GPR55: variants seen among roughly 807,000 people sequenced by gnomAD.
The protein encoded by GPR55 is G protein-coupled receptor 55.
Under a neutral mutation model 7.9 loss-of-function variants are expected in GPR55, and 6 were observed. The observed-to-expected ratio is 0.76, with a 90% CI of 0.41 to 1.49. The LOEUF (loss-of-function observed/expected upper bound fraction) is 1.49. Among genes scored for constraint, GPR55 ranks in the 40% most tolerant of loss-of-function variants. The pLI is 0.01. For missense variants in GPR55, 376 were observed against 406.0 expected, an observed-to-expected ratio of 0.93 and a Z score of 0.63; for synonymous variants, 183 against 166.8, an observed-to-expected ratio of 1.10 and a Z score of -0.75.
chr2:230,936,968 T>C (rs1382737333), intron 1 of GPR55, among the ~76,000 whole-genome samples: 2 of 152,226 alleles, frequency 1.3e-5, no homozygotes, highest in African/African-American at 4.8e-5. Context: ...AGATTTCCTA[T>C]GTCAAATCCT....
intron 1 of GPR55, among the ~76,000 whole-genome samples, chr2:230,936,681 C>T (rs1691138219): frequency 6.6e-6 from 1 of 152,044 alleles, no homozygotes; most frequent in African/African-American, 2.4e-5. Flanking sequence ...TCAAAGGGGA[C>T]CAAGGAGAGC....
Position 230,923,538 on chromosome 2 carries a change from C to T in GPR55, c.-135+1630G>A, listed in dbSNP as rs570711285. Among the ~76,000 whole-genome samples the T allele has an allele frequency of 5.3e-5, 8 of 151,852 alleles. No homozygotes were observed. Among genetic ancestry groups the T allele is most frequent in the African/African-American group, 1.9e-4 (8 of 41,354 alleles). On this transcript the variant is annotated intron_variant, in intron 1 of 1. Transcript: ENST00000650999. This position sits in a 1 kb window ranked among gnomAD's most constrained non-coding sequence, Gnocchi z 4.1. ...CCACGATAGAAGAAGGAACAGGACA[C>T]AGAGGGGACAGAGCACATGACCACA... is the stretch of plus-strand genomic sequence containing the variant.
chr2:230,942,373 A>C (rs1372106014), intron 1 of GPR55, among the ~76,000 whole-genome samples: 2 of 152,140 alleles, frequency 1.3e-5, no homozygotes, highest in Non-Finnish European at 2.9e-5. Context: ...AGAGAGAATT[A>C]CTTAGTCCTC....
chr2:230,960,476 T>A (rs1488239548), intron 1 of GPR55, among the ~76,000 whole-genome samples: 2 of 152,132 alleles, frequency 1.3e-5, no homozygotes, highest in African/African-American at 4.8e-5. Flanking sequence ...CTCAGATGTT[T>A]TCCTATAGTC....
intron 1 of GPR55, among the ~76,000 whole-genome samples, chr2:230,945,023 C>T (rs984836096): frequency 3.3e-5 from 5 of 152,198 alleles, no homozygotes; most frequent in African/African-American, 1.2e-4. Flanking sequence ...AGCCTCACTG[C>T]GGGGCTGGGA....
chr2:230,921,780 G>A (rs867515014), intron 1 of GPR55, among the ~76,000 whole-genome samples: 5 of 152,284 alleles, frequency 3.3e-5, no homozygotes, highest in Non-Finnish European at 5.9e-5. Flanking sequence ...CCTAGGACCC[G>A]AGGCTGTCTG....
At chr2:230,957,474 A>G (rs1164311510) in intron 1 of GPR55, 1 of 352,528 alleles carries the variant, frequency 2.8e-6, no homozygotes, top group African/African-American at 2.2e-5. Context: ...CGCTGCTCAG[A>G]ACAGCGCGTG....
chr2:230,949,497 C>T (rs1320936527), intron 1 of GPR55, among the ~76,000 whole-genome samples: 1 of 152,286 alleles, frequency 6.6e-6, no homozygotes, highest in Admixed American at 6.5e-5. Flanking sequence ...TGTAAGATTG[C>T]CTTCCTGGGA....
chr2:230,952,799 C>T (rs1398730420), intron 1 of GPR55, among the ~76,000 whole-genome samples: 1 of 152,194 alleles, frequency 6.6e-6, no homozygotes, highest in Non-Finnish European at 1.5e-5. Context: ...AGGCTTCTCT[C>T]ACCTTCTGCC....
intron 1 of GPR55, among the ~76,000 whole-genome samples, chr2:230,917,852 T>G (rs1224777662): frequency 6.6e-6 from 1 of 151,798 alleles, no homozygotes; most frequent in Non-Finnish European, 1.5e-5. Context: ...AAAATAATAA[T>G]GACTATTTAA....
At chr2:230,941,386 T>G (rs1021470802) in intron 1 of GPR55, among the ~76,000 whole-genome samples, 2 of 152,214 alleles carry the variant, frequency 1.3e-5, no homozygotes, top group Non-Finnish European at 2.9e-5. Context: ...CATTTGAACC[T>G]GAACCCAGGG....
At chr2:230,960,313 G>A (rs1178268854) in intron 1 of GPR55, among the ~76,000 whole-genome samples, 1 of 152,120 alleles carries the variant, frequency 6.6e-6, no homozygotes, top group East Asian at 1.9e-4. Flanking sequence ...CAGTATAAGA[G>A]GACTGACCAT....
rs200487495 is a variant in GPR55, at chr2:230,910,192, G to C, written c.771C>G (p.Ile257Met). The change falls in exon 2 of 2, where the codon ATC becomes ATG. Residue 257 changes from isoleucine (I) to methionine (M), a missense_variant. Coordinates refer to ENST00000650999, the MANE Select transcript of GPR55 (RefSeq NM_005683.4). The surrounding 1 kb of genome is among the most constrained non-coding windows in gnomAD (Gnocchi z 5.4). ...TGCTCTGCTTGGCTCTGCACTCTAC[G>C]ATAAAGCTGTTTCTCACCAGGAACT... ...FLQFLVRNSF[I>M]VECRAKQSIS... The C allele has an allele frequency of 2.3e-4, 377 of 1,614,058 alleles. No individual in the cohort carries two copies. Among genetic ancestry groups the C allele is most frequent in the Non-Finnish European group, 8.6e-5 (102 of 1,179,920 alleles).
upstream of GPR55, among the ~76,000 whole-genome samples, chr2:230,929,073 C>A: frequency 6.6e-6 from 1 of 152,242 alleles, no homozygotes; most frequent in South Asian, 2.1e-4. Flanking sequence ...AGGCTGGTCT[C>A]GGACTCCTGG....
intron 1 of GPR55, among the ~76,000 whole-genome samples, chr2:230,956,847 C>T (rs558210988): frequency 6.6e-6 from 1 of 151,958 alleles, no homozygotes; most frequent in East Asian, 1.9e-4. Flanking sequence ...CGTTGACATT[C>T]TTGGAGAGCC....
At chr2:230,929,725 A>G (rs1691002272), upstream of GPR55, 1 of 152,226 alleles carries the variant, frequency 6.6e-6, no homozygotes, top group African/African-American at 2.4e-5. Context: ...CTTATCACCG[A>G]AAGCCCACGG....
chr2:230,945,797 C>G (rs1379214574), intron 1 of GPR55, among the ~76,000 whole-genome samples: 1 of 152,190 alleles, frequency 6.6e-6, no homozygotes, highest in Non-Finnish European at 1.5e-5. Context: ...TGGTCTCGAT[C>G]TACTGACCTC....
chr2:230,934,283 C>G (rs1481010837), intron 1 of GPR55, among the ~76,000 whole-genome samples: 1 of 152,236 alleles, frequency 6.6e-6, no homozygotes, highest in African/African-American at 2.4e-5. Flanking sequence ...GCCAGCACCT[C>G]TCTGCACCTC....
At chr2:230,959,820 C>A (rs558347285) in intron 1 of GPR55, among the ~76,000 whole-genome samples, 1 of 152,314 alleles carries the variant, frequency 6.6e-6, no homozygotes, top group African/African-American at 2.4e-5. Context: ...GTTTATAGAT[C>A]ATTTTCATTT....
Sources: gnomAD v4.1 joint callset for allele counts (sites outside exome capture counted in the v4.1 genomes callset) on GRCh38, gnomAD v4.1.1 for gene constraint, Gnocchi (gnomAD v3.1) non-coding constraint, MANE v1.5 for transcripts, NCBI Gene and HGNC (gene_info 2026-07-23, HGNC 2026-07-21) for gene names.